LGR5: variants seen among roughly 807,000 people sequenced by gnomAD.
The protein encoded by LGR5 is leucine rich repeat containing G protein-coupled receptor 5.
In LGR5, 54 loss-of-function variants were observed where a neutral mutation model predicts 76.7. The observed-to-expected ratio is 0.70, with a 90% confidence interval of 0.57 to 0.88. The LOEUF is 0.88. Ranked by LOEUF, LGR5 falls within the 40% of genes least tolerant of loss-of-function variation. The pLI is 0.00. For missense variants in LGR5, 1,078 were observed against 1,073.3 expected (o/e 1.00, Z -0.06); for synonymous variants, 406 against 421.9 (o/e 0.96, Z 0.46).
chr12:71,561,763 T>C lies in LGR5; in HGVS notation c.786-18T>C. The C allele has an allele frequency of 2.0e-6, 3 of 1,516,400 alleles. No homozygotes were observed. The highest frequency in any genetic ancestry group is 2.7e-6 in the Non-Finnish European group (3 of 1,109,694). The allele number at this position is 1,516,400 out of a possible 1,614,324, so 93.9% of individuals were successfully genotyped here. ...TTACCCCACACAGGATTTTTTATAA[T>C]TTTTTTTCTCTTTCTAGAGGATTTC... On this transcript the variant is annotated intron_variant, in intron 7 of 17. Transcript: ENST00000266674.
intron 13 of LGR5, among the ~76,000 whole-genome samples, chr12:71,575,067 G>C (rs531193521): frequency 1.3e-5 from 2 of 152,112 alleles, no homozygotes; most frequent in Admixed American, 1.3e-4. Context: ...GTGTGCCTGC[G>C]TTTGAATTGC....
intron 1 of LGR5, among the ~76,000 whole-genome samples, chr12:71,442,642 G>A (rs2137190802): frequency 6.6e-6 from 1 of 152,318 alleles, no homozygotes; most frequent in Non-Finnish European, 1.5e-5. Flanking sequence ...ATAATTTGGT[G>A]TCCCTATATA....
chr12:71,476,869 C>T (rs1260436885), intron 1 of LGR5, among the ~76,000 whole-genome samples: 1 of 152,064 alleles, frequency 6.6e-6, no homozygotes, highest in Non-Finnish European at 1.5e-5. Flanking sequence ...AACGTTATAC[C>T]TAAACAAGCA....
At chr12:71,541,423 C>T (rs1438097555) in intron 4 of LGR5, among the ~76,000 whole-genome samples, 5 of 152,018 alleles carry the variant, frequency 3.3e-5, no homozygotes, top group Non-Finnish European at 5.9e-5. Context: ...TTTTTTAAAG[C>T]TTGTGGTGTA....
intron 1 of LGR5, among the ~76,000 whole-genome samples, chr12:71,477,702 A>G (rs1565674586): frequency 6.6e-6 from 1 of 152,098 alleles, no homozygotes; most frequent in Non-Finnish European, 1.5e-5. Context: ...CTTTTTAATA[A>G]TGGTCTCCTT....
At chr12:71,461,093 A>G (rs1339042207) in intron 1 of LGR5, among the ~76,000 whole-genome samples, 1 of 152,180 alleles carries the variant, frequency 6.6e-6, no homozygotes, top group Non-Finnish European at 1.5e-5. Flanking sequence ...TTCTGGTAGT[A>G]AGCACAGCAG....
Position 71,557,437 on chromosome 12 carries a change from T to C in LGR5, c.716+747T>C, listed in dbSNP as rs114402030. Among the ~76,000 whole-genome samples, 599 of 152,322 alleles carry C rather than the reference T, an allele frequency of 3.9e-3. 4 individuals are homozygous for C. Among genetic ancestry groups the C allele is most frequent in the African/African-American group, 0.014 (566 of 41,578 alleles). On this transcript the variant is annotated intron_variant, in intron 6 of 17. Transcript: ENST00000266674. ...GATATTACTATCCCATTTTAGGCTC[T>C]AGTGAGGTAAAGTTATTACATATCT...
intron 3 of LGR5, among the ~76,000 whole-genome samples, chr12:71,529,059 T>A (rs1405461814): frequency 6.6e-6 from 1 of 152,224 alleles, no homozygotes; most frequent in Non-Finnish European, 1.5e-5. Context: ...CAATTGTGAG[T>A]GTCACACTTC....
intron 2 of LGR5, among the ~76,000 whole-genome samples, chr12:71,517,775 G>C (rs1218605656): frequency 6.6e-6 from 1 of 152,162 alleles, no homozygotes; most frequent in African/African-American, 2.4e-5. Flanking sequence ...CAACTTTTTT[G>C]TATCACATCA....
intron 16 of LGR5, among the ~76,000 whole-genome samples, chr12:71,580,821 A>C (rs753477283): frequency 3.6e-4 from 55 of 152,182 alleles, no homozygotes; most frequent in Admixed American, 5.9e-4. Flanking sequence ...AAAGGAAAAA[A>C]AATTATCAAA....
intron 1 of LGR5, among the ~76,000 whole-genome samples, chr12:71,462,141 C>A (rs577347427): frequency 9.9e-5 from 15 of 152,202 alleles, no homozygotes; most frequent in South Asian, 6.2e-4. Flanking sequence ...CACTTCCCTG[C>A]TCAGAAAGCT....
At chr12:71,490,144 A>ACC (rs57746851) in intron 1 of LGR5, among the ~76,000 whole-genome samples, 4 of 148,802 alleles carry the variant, frequency 2.7e-5, no homozygotes, top group South Asian at 4.2e-4. Context: ...AAAAAAAAAA[A>ACC]CCCATAAAAA....
chr12:71,450,986 C>A (rs1333811838), intron 1 of LGR5, among the ~76,000 whole-genome samples: 1 of 152,292 alleles, frequency 6.6e-6, no homozygotes, highest in South Asian at 2.1e-4. Context: ...GCAACCCCTG[C>A]TGCCAATCCC....
chr12:71,458,536 G>T (rs2137222710), intron 1 of LGR5, among the ~76,000 whole-genome samples: 1 of 152,084 alleles, frequency 6.6e-6, no homozygotes, highest in African/African-American at 2.4e-5. Context: ...TTCTTTCATT[G>T]TTTTAAAAGT....
At chr12:71,492,431 C>T (rs966979905) in intron 1 of LGR5, among the ~76,000 whole-genome samples, 4 of 152,144 alleles carry the variant, frequency 2.6e-5, no homozygotes, top group African/African-American at 4.8e-5. Context: ...GAAACCCCCA[C>T]CACAGAAATA....
intron 12 of LGR5, 58 bp downstream of exon 12, chr12:71,571,637 C>A: frequency 8.1e-7 from 1 of 1,232,084 alleles, no homozygotes. Flanking sequence ...ACTCACATTT[C>A]TCAGGGTCAC....
Position 71,553,125 on chromosome 12 carries a change from C to T in LGR5, c.481C>T (p.Leu161=). The T allele has an allele frequency of 6.2e-7, 1 of 1,614,024 alleles. No homozygotes were observed. The highest frequency in any genetic ancestry group is 2.2e-5 in the East Asian group (1 of 44,850). ...SYVPPSCFSG[L]HSLRHLWLDD... is the part of the protein sequence containing the mutation. ...TGTGCCCCCAAGCTGTTTCAGTGGCCTGCATTCCCTGAGGCACCTGTGGCT... is the reference window on the plus strand; with the variant it reads ...TGTGCCCCCAAGCTGTTTCAGTGGCTTGCATTCCCTGAGGCACCTGTGGCT... Residue 161 remains leucine, a synonymous_variant, in exon 5 of 18, where the codon CTG becomes TTG. Transcript: ENST00000266674.
intron 2 of LGR5, among the ~76,000 whole-genome samples, chr12:71,508,369 T>A (rs941090592): frequency 2.6e-5 from 4 of 152,218 alleles, no homozygotes; most frequent in Admixed American, 1.3e-4. Context: ...TCATCTCTCA[T>A]CCATGGCTAA....
intron 1 of LGR5, among the ~76,000 whole-genome samples, chr12:71,487,067 A>G (rs948891257): frequency 2.0e-5 from 3 of 152,212 alleles, no homozygotes; most frequent in Non-Finnish European, 2.9e-5. Flanking sequence ...TTGTCACACA[A>G]GATGAACAAC....
Sources: allele counts gnomAD v4.1 joint callset (sites outside exome capture counted in the v4.1 genomes callset), GRCh38; gene constraint gnomAD v4.1.1; transcripts MANE v1.5; gene names NCBI Gene and HGNC (gene_info 2026-07-23, HGNC 2026-07-21).